Variants in RGS6 observed in about 807,000 individuals in gnomAD.
RGS6 encodes the protein regulator of G protein signaling 6.
RGS6 carries 30 observed loss-of-function variants against 78.5 expected under a neutral mutation model. The ratio of observed to expected loss-of-function variants is 0.38; its 90% CI spans 0.29 to 0.52. The LOEUF (loss-of-function observed/expected upper bound fraction) is 0.52. Among genes scored for constraint, RGS6 ranks in the 20% least tolerant of loss-of-function variants. The pLI is 0.85. For missense variants in RGS6, 495 were observed against 609.7 expected (o/e 0.81, Z 1.98); for synonymous variants, 206 against 206.0 (o/e 1.00, Z 0.00).
chr14:72,541,343 A>G, intron 17 of RGS6: 2 of 1,345,438 alleles, frequency 1.5e-6, no homozygotes, highest in Non-Finnish European at 1.0e-6. Flanking sequence ...GCATTTAAAC[A>G]TTATCTTGAA....
intron 2 of RGS6, among the ~76,000 whole-genome samples, chr14:72,323,059 AG>A (rs1164570799): frequency 6.6e-6 from 1 of 152,188 alleles, no homozygotes. Context: ...AGTAAACAAA[AG>A]AAAAAAATAA....
intron 3 of RGS6, among the ~76,000 whole-genome samples, chr14:72,374,170 A>G (rs2084116551): frequency 1.3e-5 from 2 of 152,106 alleles, no homozygotes. Flanking sequence ...TACATGTGCC[A>G]TGTTGGTGTG....
chr14:72,024,469 T>A (rs2089424930), intron 2 of RGS6, among the ~76,000 whole-genome samples: 1 of 152,184 alleles, frequency 6.6e-6, no homozygotes, highest in Non-Finnish European at 1.5e-5. Context: ...TCCCCTGTCC[T>A]CCAGGAGAAC....
chr14:72,041,792 G>C (rs888705339), intron 2 of RGS6, among the ~76,000 whole-genome samples: 2 of 152,226 alleles, frequency 1.3e-5, no homozygotes, highest in African/African-American at 4.8e-5. Flanking sequence ...GTAAGTCTGT[G>C]GGGGGTGGGC....
At chr14:72,136,310 G>A (rs890047827) in intron 2 of RGS6, among the ~76,000 whole-genome samples, 6 of 152,134 alleles carry the variant, frequency 3.9e-5, no homozygotes, top group East Asian at 1.9e-4. Context: ...AGCATAGAGC[G>A]AATATGTGGT....
intron 2 of RGS6, among the ~76,000 whole-genome samples, chr14:72,298,140 T>A (rs1287240525): frequency 6.6e-6 from 1 of 152,136 alleles, no homozygotes; most frequent in Non-Finnish European, 1.5e-5. Flanking sequence ...TAGAGTATTA[T>A]AGTGAGGGAA....
chr14:72,352,275 C>T (rs1411893998), intron 3 of RGS6, 81 bp downstream of exon 3: 6 of 935,306 alleles, frequency 6.4e-6, no homozygotes, highest in Non-Finnish European at 1.0e-5. Flanking sequence ...TGAGGGGTGT[C>T]TGAAGATCTG....
intron 2 of RGS6, among the ~76,000 whole-genome samples, chr14:72,131,072 T>C (rs1468387463): frequency 6.6e-6 from 1 of 152,250 alleles, no homozygotes; most frequent in Admixed American, 6.5e-5. Context: ...TTGCCCATCT[T>C]GTGTTGTGTC....
intron 2 of RGS6, among the ~76,000 whole-genome samples, chr14:72,255,030 C>G (rs1337788426): frequency 6.6e-6 from 1 of 152,130 alleles, no homozygotes; most frequent in Non-Finnish European, 1.5e-5. Context: ...CTCACAGTTC[C>G]CTGGGGAGAC....
chr14:71,972,365 T>G (rs1045075197), intron 2 of RGS6, among the ~76,000 whole-genome samples: 2 of 151,804 alleles, frequency 1.3e-5, no homozygotes, highest in Non-Finnish European at 2.9e-5. Context: ...ATAATTTCCC[T>G]GTACCCTAGA....
At position 72,540,067 on chromosome 14, in the gene RGS6, T is replaced by C; in HGVS notation, c.1395T>C (p.Thr465=). The change falls in exon 17 of 18, where the codon ACT becomes ACC. Residue 465 remains threonine, a synonymous_variant. Coordinates refer to ENST00000553525, the MANE Select transcript of RGS6 (RefSeq NM_001204424.2). ...CAGAAAGTGAGCAAGGTCGTAGAAC[T>C]TCCCTAGAAAAGTTCACTCGCAGTG... ...KKPESEQGRR[T]SLEKFTRSVG... is the part of the protein sequence containing the mutation. 6.3e-7 allele frequency: 1 copy of C among 1,589,246 alleles called. No homozygotes were observed.
At chr14:72,358,109 G>T (rs1238608054) in intron 3 of RGS6, among the ~76,000 whole-genome samples, 1 of 152,158 alleles carries the variant, frequency 6.6e-6, no homozygotes, top group Non-Finnish European at 1.5e-5. Context: ...TCTTCTGGGT[G>T]TGCAGAAGAC....
At chr14:72,116,171 A>G (rs1273224782) in intron 2 of RGS6, among the ~76,000 whole-genome samples, 1 of 152,220 alleles carries the variant, frequency 6.6e-6, no homozygotes, top group Admixed American at 6.5e-5. Context: ...TGCAAATAAT[A>G]TACAAATATT....
chr14:72,237,167 CAT>C (rs767471454), intron 2 of RGS6, among the ~76,000 whole-genome samples: 49 of 152,322 alleles, frequency 3.2e-4, no homozygotes, highest in Middle Eastern at 6.8e-3. Flanking sequence ...TTTTTGTTTG[CAT>C]ATGTCAGTAA....
At chr14:72,311,604 C>T (rs2068632887) in intron 2 of RGS6, among the ~76,000 whole-genome samples, 1 of 152,158 alleles carries the variant, frequency 6.6e-6, no homozygotes, top group Admixed American at 6.5e-5. Flanking sequence ...TCCTGGTGAT[C>T]TGGTAATTTC....
In RGS6 at chr14:72,458,007, C is replaced by T. The variant is rs17116023; in HGVS notation, c.236-264C>T. Among the ~76,000 whole-genome samples, 1,638 of 152,284 alleles carry T rather than the reference C, an allele frequency of 0.011. 56 individuals carry two copies. The highest frequency in any genetic ancestry group is 0.094 in the East Asian group (484 of 5,172). Reference sequence around the variant, plus strand: ...GAACTTATGCCCTTGACCCTGAAGCCAGACTTTCTTCTGAAGGTCAGGGTG... The same window carrying T: ...GAACTTATGCCCTTGACCCTGAAGCTAGACTTTCTTCTGAAGGTCAGGGTG... On this transcript the variant is annotated intron_variant, in intron 4 of 17. Coordinates refer to ENST00000553525, the MANE Select transcript of RGS6 (RefSeq NM_001204424.2).
intron 2 of RGS6, among the ~76,000 whole-genome samples, chr14:71,991,950 T>C (rs1595782400): frequency 6.6e-6 from 1 of 152,182 alleles, no homozygotes; most frequent in East Asian, 1.9e-4. Flanking sequence ...AATAAAACTT[T>C]ATGAAAACAG....
At chr14:72,618,783 G>A in the RGS6 span, among the ~76,000 whole-genome samples, 10 of 152,212 alleles carry the variant, frequency 6.6e-5, no homozygotes, top group African/African-American at 2.4e-4. Context: ...AAGACCCCAA[G>A]TCTAGAAGTT....
At chr14:72,370,630 G>A (rs1056616427) in intron 3 of RGS6, among the ~76,000 whole-genome samples, 4 of 152,160 alleles carry the variant, frequency 2.6e-5, no homozygotes, top group African/African-American at 9.7e-5. Flanking sequence ...ACAAATTTAT[G>A]ATGGGCAGTG....
Sources: gnomAD v4.1 joint callset for allele counts (sites outside exome capture counted in the v4.1 genomes callset) on GRCh38, gnomAD v4.1.1 for gene constraint, MANE v1.5 for transcripts, NCBI Gene and HGNC (gene_info 2026-07-23, HGNC 2026-07-21) for gene names.